Variants in LRP1B observed in about 807,000 individuals in gnomAD.
The protein encoded by LRP1B is low-density lipoprotein receptor-related protein 1B.
A neutral mutation model predicts 556.6 loss-of-function variants in LRP1B; 217 were observed. The ratio of observed to expected loss-of-function variants is 0.39; its 90% CI spans 0.35 to 0.44. LRP1B has a LOEUF of 0.44. LRP1B is among the 20% of genes least tolerant of loss of function. The pLI is 1.00. For synonymous variants in LRP1B, 2,047 were observed against 1,865.8 expected (o/e 1.10, Z -2.50); for missense variants, 5,053 against 5,620.8 (o/e 0.90, Z 3.23).
intron 56 of LRP1B, among the ~76,000 whole-genome samples, chr2:140,493,170 C>T (rs576610384): frequency 2.0e-5 from 3 of 152,084 alleles, no homozygotes; most frequent in Non-Finnish European, 4.4e-5. Flanking sequence ...TTTTACCTGC[C>T]TGAGGACTTG....
chr2:142,097,816 T>A (rs543784670), intron 1 of LRP1B, among the ~76,000 whole-genome samples: 33 of 151,852 alleles, frequency 2.2e-4, no homozygotes, highest in Non-Finnish European at 4.1e-4. Flanking sequence ...CTCATTTTTT[T>A]AAATATGGCA....
At chr2:141,618,953 T>TTTCTGA (rs1219795166) in intron 2 of LRP1B, among the ~76,000 whole-genome samples, 2 of 152,154 alleles carry the variant, frequency 1.3e-5, no homozygotes, top group Non-Finnish European at 2.9e-5. Context: ...GAAACAAACT[T>TTTCTGA]ACGGAGTTCA....
chr2:140,298,768 T>C (rs1229667617), intron 83 of LRP1B, among the ~76,000 whole-genome samples: 1 of 152,128 alleles, frequency 6.6e-6, no homozygotes, highest in Admixed American at 6.5e-5. Flanking sequence ...AGTTAACTCT[T>C]GTATATTAGG....
chr2:140,458,709 A>C (rs184067027), intron 60 of LRP1B, among the ~76,000 whole-genome samples: 105 of 152,232 alleles, frequency 6.9e-4, no homozygotes, highest in African/African-American at 2.4e-3. Flanking sequence ...ATTCAGCAGT[A>C]ACTGAAAAAC....
chr2:140,577,471 C>A (rs1046675486), intron 43 of LRP1B, among the ~76,000 whole-genome samples: 2 of 150,998 alleles, frequency 1.3e-5, no homozygotes, highest in Non-Finnish European at 1.5e-5. Context: ...AGCAGGAGTG[C>A]AGTGGTGCAA....
In LRP1B at chr2:142,035,533, T is replaced by C. The variant is rs180728971; in HGVS notation, c.82+95115A>G. 5.1e-3 allele frequency among the ~76,000 whole-genome samples: 774 copies of C among 151,774 alleles called. 5 individuals are homozygous for C. Among genetic ancestry groups the C allele is most frequent in the Non-Finnish European group, 8.6e-3 (583 of 67,762 alleles). Reference sequence around the variant, plus strand: ...ATTAGAGAACCACTGTAACACCCACTACAGCATGGCCTTCCTTTATAAGTT... The same window carrying C: ...ATTAGAGAACCACTGTAACACCCACCACAGCATGGCCTTCCTTTATAAGTT... On this transcript the variant is annotated intron_variant, in intron 1 of 90. Transcript: ENST00000389484.
At chr2:141,033,737 T>C (rs1698446684) in intron 11 of LRP1B, among the ~76,000 whole-genome samples, 1 of 152,116 alleles carries the variant, frequency 6.6e-6, no homozygotes, top group African/African-American at 2.4e-5. Flanking sequence ...AAGGAGGCTG[T>C]CTGCAAACCT....
At chr2:140,521,874 G>GT (rs1232662356) in intron 49 of LRP1B, among the ~76,000 whole-genome samples, 1 of 151,960 alleles carries the variant, frequency 6.6e-6, no homozygotes, top group East Asian at 1.9e-4. Context: ...TTTGCTATTC[G>GT]TATATCAGAT....
chr2:142,050,391 G>C (rs1257512375), intron 1 of LRP1B, among the ~76,000 whole-genome samples: 1 of 151,740 alleles, frequency 6.6e-6, no homozygotes, highest in African/African-American at 2.4e-5. Flanking sequence ...AGCCATAAAA[G>C]TTACTGAAAA....
At chr2:141,235,625 T>C (rs1211509345) in intron 5 of LRP1B, among the ~76,000 whole-genome samples, 1 of 151,988 alleles carries the variant, frequency 6.6e-6, no homozygotes, top group Non-Finnish European at 1.5e-5. Flanking sequence ...TGAGGAGAGA[T>C]TGACCTCAGT....
At chr2:140,964,983 G>A (rs1696159007) in intron 18 of LRP1B, among the ~76,000 whole-genome samples, 1 of 152,124 alleles carries the variant, frequency 6.6e-6, no homozygotes, top group South Asian at 2.1e-4. Context: ...AGCAACTGAG[G>A]TTTGGAGGGA....
At chr2:141,145,529 A>G (rs1701759545) in intron 7 of LRP1B, among the ~76,000 whole-genome samples, 1 of 143,770 alleles carries the variant, frequency 7.0e-6, no homozygotes, top group Non-Finnish European at 1.5e-5. Flanking sequence ...TTATTTTTTA[A>G]TTAAACTTTT....
intron 84 of LRP1B, among the ~76,000 whole-genome samples, chr2:140,282,189 A>G (rs1218477123): frequency 6.6e-6 from 1 of 151,812 alleles, no homozygotes; most frequent in African/African-American, 2.4e-5. Flanking sequence ...ACCAATTTCC[A>G]ATGGTGCCCT....
intron 2 of LRP1B, among the ~76,000 whole-genome samples, chr2:141,777,761 A>C (rs1017807017): frequency 2.0e-5 from 3 of 152,184 alleles, no homozygotes; most frequent in African/African-American, 7.2e-5. Flanking sequence ...AAGGGCAATT[A>C]GAACCTTCCA....
chr2:141,377,588 G>A (rs990774731), intron 3 of LRP1B, among the ~76,000 whole-genome samples: 2 of 151,898 alleles, frequency 1.3e-5, no homozygotes, highest in Non-Finnish European at 2.9e-5. Flanking sequence ...TTCACTGTTG[G>A]ATATGCAACA....
chr2:140,386,012 G>C lies in LRP1B; in HGVS notation c.10415-3C>G. ...ATGAGGTCCACAAGTCTTTTTATCT[G>C]TAATGGAAAGAACCAGAGTTTGCAT... On this transcript the variant is annotated splice_polypyrimidine_tract_variant and splice_region_variant and intron_variant, in intron 66 of 90. Coordinates refer to ENST00000389484, the MANE Select transcript of LRP1B (RefSeq NM_018557.3). 1 of 1,563,300 alleles carries C rather than the reference G, an allele frequency of 6.4e-7. No individual in the cohort carries two copies. Among genetic ancestry groups the C allele is most frequent in the Non-Finnish European group, 8.8e-7 (1 of 1,135,068 alleles).
At chr2:140,429,552 T>C (rs1181844631) in intron 66 of LRP1B, among the ~76,000 whole-genome samples, 3 of 152,152 alleles carry the variant, frequency 2.0e-5, no homozygotes, top group African/African-American at 7.2e-5. Context: ...AATTTCTTCC[T>C]CATCTGTTAC....
intron 21 of LRP1B, among the ~76,000 whole-genome samples, chr2:140,917,698 TA>T (rs942011651): frequency 6.6e-6 from 1 of 152,038 alleles, no homozygotes; most frequent in Non-Finnish European, 1.5e-5. Context: ...GAGGGAAGAA[TA>T]AACAGGCAGG....
At chr2:140,506,073 T>C (rs1689396084) in intron 53 of LRP1B, among the ~76,000 whole-genome samples, 2 of 151,922 alleles carry the variant, frequency 1.3e-5, no homozygotes, top group South Asian at 2.1e-4. Context: ...ACATAAAGGG[T>C]AGAAAAATAT....
Sources: allele counts gnomAD v4.1 joint callset (sites outside exome capture counted in the v4.1 genomes callset), GRCh38; gene constraint gnomAD v4.1.1; transcripts MANE v1.5; gene names NCBI Gene and HGNC (gene_info 2026-07-23, HGNC 2026-07-21).